Variants in GNAO1 observed in about 807,000 individuals in gnomAD.
GNAO1 encodes G protein subunit alpha o1.
For synonymous variants in GNAO1, 164 were observed against 180.7 expected (o/e 0.91, Z 0.74); for missense variants, 166 against 478.7 (o/e 0.35, Z 6.10).
At chr16:56,250,416 C>CT (rs2036788966) in intron 2 of GNAO1, among the ~76,000 whole-genome samples, 1 of 152,158 alleles carries the variant, frequency 6.6e-6, no homozygotes, top group Non-Finnish European at 1.5e-5. Context: ...AGCACTTCCA[C>CT]TTTGGGGGAA....
At chr16:56,273,147 C>G (rs1428484631) in intron 2 of GNAO1, among the ~76,000 whole-genome samples, 1 of 152,168 alleles carries the variant, frequency 6.6e-6, no homozygotes, top group East Asian at 1.9e-4. Flanking sequence ...AGTATACTTT[C>G]ATTTTATCCC....
At chr16:56,251,923 C>A (rs1274909347) in intron 2 of GNAO1, among the ~76,000 whole-genome samples, 2 of 152,116 alleles carry the variant, frequency 1.3e-5, no homozygotes, top group African/African-American at 4.8e-5. Flanking sequence ...TTGTAAGGAC[C>A]TTTTCTGGGG....
intron 2 of GNAO1, among the ~76,000 whole-genome samples, chr16:56,274,197 G>T (rs1356135253): frequency 6.6e-6 from 1 of 152,110 alleles, no homozygotes; most frequent in Non-Finnish European, 1.5e-5. Flanking sequence ...TCTCCTCCTT[G>T]GTCTCCCTTC....
intron 2 of GNAO1, among the ~76,000 whole-genome samples, chr16:56,225,204 GT>G (rs2036523642): frequency 6.6e-6 from 1 of 152,226 alleles, no homozygotes; most frequent in African/African-American, 2.4e-5. Flanking sequence ...TTCGTTGTCT[GT>G]TTGTTTGAGG....
chr16:56,249,293 C>T (rs575372655), intron 2 of GNAO1, among the ~76,000 whole-genome samples: 48 of 152,206 alleles, frequency 3.2e-4, no homozygotes, highest in African/African-American at 1.1e-3. Flanking sequence ...TTTGGATTCT[C>T]GAAGCTGCAT....
In GNAO1 at chr16:56,340,958, C is replaced by T. The variant is rs763864033; in HGVS notation, c.723+4098C>T. On this transcript the variant is annotated intron_variant, in intron 6 of 8. Coordinates refer to ENST00000262493, the MANE Select transcript of GNAO1 (RefSeq NM_020988.3). ...TTTGAAGAGAAGATCAAGAAGTCCCCGCTCACCATCTGCTTTCCTGAATAT... is the reference window on the plus strand; with the variant it reads ...TTTGAAGAGAAGATCAAGAAGTCCCTGCTCACCATCTGCTTTCCTGAATAT... 35 of 1,613,870 alleles carry T rather than the reference C, an allele frequency of 2.2e-5. 1 individual carries two copies. The Admixed American group carries it at 3.2e-4, about 15-fold the overall frequency.
chr16:56,230,045 G>A (rs1417982590), intron 2 of GNAO1, among the ~76,000 whole-genome samples: 1 of 151,934 alleles, frequency 6.6e-6, no homozygotes, highest in Non-Finnish European at 1.5e-5. Flanking sequence ...TCCTTCATAT[G>A]GTGAAACAAA....
chr16:56,200,894 C>T (rs184152684), intron 2 of GNAO1, among the ~76,000 whole-genome samples: 4 of 152,274 alleles, frequency 2.6e-5, no homozygotes, highest in Non-Finnish European at 1.5e-5. Flanking sequence ...AAAATGGGGG[C>T]CATTTTCAGA....
intron 3 of GNAO1, among the ~76,000 whole-genome samples, chr16:56,291,409 T>C (rs1178876729): frequency 6.6e-6 from 1 of 152,232 alleles, no homozygotes; most frequent in Non-Finnish European, 1.5e-5. Context: ...TGTATTTTCT[T>C]CAGAGAAATG....
intron 2 of GNAO1, among the ~76,000 whole-genome samples, chr16:56,237,846 T>C (rs2036653690): frequency 6.6e-6 from 1 of 152,210 alleles, no homozygotes; most frequent in African/African-American, 2.4e-5. Flanking sequence ...GTTTAGCAGC[T>C]GCACGTTGCA....
chr16:56,244,973 C>T (rs1356717702), intron 2 of GNAO1, among the ~76,000 whole-genome samples: 2 of 152,130 alleles, frequency 1.3e-5, no homozygotes, highest in African/African-American at 4.8e-5. Context: ...CTGATGGCCC[C>T]TCGGGTCTAT....
At chr16:56,272,926 A>G (rs1045915033) in intron 2 of GNAO1, among the ~76,000 whole-genome samples, 55 of 152,198 alleles carry the variant, frequency 3.6e-4, no homozygotes, top group Non-Finnish European at 7.3e-4. Context: ...ATATCATAGC[A>G]TGGGGACCAG....
At chr16:56,225,778 A>G (rs1482380142) in intron 2 of GNAO1, among the ~76,000 whole-genome samples, 1 of 152,134 alleles carries the variant, frequency 6.6e-6, no homozygotes, top group African/African-American at 2.4e-5. Context: ...TTCTAGTTTC[A>G]TGAAGACGGA....
chr16:56,344,717 C>G, intron 6 of GNAO1: 1 of 985,486 alleles, frequency 1.0e-6, no homozygotes, highest in Non-Finnish European at 1.2e-6. Flanking sequence ...TGGGGCCTCC[C>G]GCCCAGTCCT....
intron 2 of GNAO1, among the ~76,000 whole-genome samples, chr16:56,209,834 T>A (rs1348076492): frequency 6.6e-6 from 1 of 152,090 alleles, no homozygotes; most frequent in African/African-American, 2.4e-5. Flanking sequence ...AGCCTCCCCC[T>A]TATCAGCAGT....
At chr16:56,207,859 T>C (rs573013561) in intron 2 of GNAO1, among the ~76,000 whole-genome samples, 11 of 152,332 alleles carry the variant, frequency 7.2e-5, no homozygotes, top group African/African-American at 1.2e-4. Context: ...ATTAATCTTA[T>C]ATGTTTTACA....
At chr16:56,214,096 A>C (rs1464101688) in intron 2 of GNAO1, among the ~76,000 whole-genome samples, 2 of 152,152 alleles carry the variant, frequency 1.3e-5, no homozygotes, top group African/African-American at 2.4e-5. Context: ...CTCTGGCATA[A>C]TCTAGGAAGA....
rs575257566 is a variant in GNAO1, at chr16:56,277,689, G to GGTCT, written c.303+1626_303+1629dup. Among the ~76,000 whole-genome samples the GGTCT allele has an allele frequency of 1.3e-4, 20 of 151,950 alleles. No homozygotes were observed. The South Asian group carries it at 4.2e-3, about 32-fold the overall frequency. ...GGCATGGCACAAGCCACAGGCCTCT[G>GGTCT]GTCTGTCTGTCTCCCTTTGACTAAG... is the stretch of plus-strand genomic sequence containing the variant. On this transcript the variant is annotated intron_variant, in intron 3 of 8. Transcript: ENST00000262493.
intron 2 of GNAO1, among the ~76,000 whole-genome samples, chr16:56,247,171 A>G (rs534393662): frequency 6.6e-6 from 1 of 152,294 alleles, no homozygotes; most frequent in Admixed American, 6.5e-5. Flanking sequence ...CCGTCAGCAG[A>G]GCACATGGGC....
Sources: gnomAD v4.1 joint callset for allele counts (sites outside exome capture counted in the v4.1 genomes callset) on GRCh38, gnomAD v4.1.1 for gene constraint, MANE v1.5 for transcripts, NCBI Gene and HGNC (gene_info 2026-07-23, HGNC 2026-07-21) for gene names.